The following TENM4 variants were observed in gnomAD, a reference collection of about 807,000 sequenced individuals.
TENM4 encodes teneurin transmembrane protein 4, also known as teneurin-4.
TENM4 carries 82 observed loss-of-function variants against 243.3 expected under a neutral mutation model. The observed-to-expected ratio is 0.34, with a 90% CI of 0.28 to 0.40. TENM4 has a LOEUF of 0.40. TENM4 is among the 10% of genes least tolerant of loss of function. The probability of loss-of-function intolerance (pLI) is 1.00; values close to 1 mark genes in which losing one functional copy is unlikely to be tolerated. For missense variants in TENM4, 3,138 were observed against 3,673.3 expected, an observed-to-expected ratio of 0.85 and a Z score of 3.77; for synonymous variants, 1,412 against 1,456.3, an observed-to-expected ratio of 0.97 and a Z score of 0.69.
chr11:79,198,319 G>C (rs186694953), intron 3 of TENM4, among the ~76,000 whole-genome samples: 387 of 152,238 alleles, frequency 2.5e-3, no homozygotes, highest in African/African-American at 8.2e-3. Flanking sequence ...ATGAGGACCA[G>C]GCCACATAAA....
At chr11:79,334,586 C>G (rs1466614877) in intron 1 of TENM4, among the ~76,000 whole-genome samples, 1 of 152,156 alleles carries the variant, frequency 6.6e-6, no homozygotes. Context: ...CAGGGGCATC[C>G]CTTGCCTGTC....
intron 4 of TENM4, among the ~76,000 whole-genome samples, chr11:79,102,624 G>A (rs374295659): frequency 7.9e-5 from 12 of 152,336 alleles, no homozygotes; most frequent in East Asian, 7.7e-4. Context: ...CTTGCACACC[G>A]TAAGCACCAT....
rs562783684 is a variant in TENM4, at chr11:78,657,429, A to G, written c.*629T>C. 2.7e-6 allele frequency: 1 copy of G among 371,928 alleles called. No individual in the cohort carries two copies. 23.0% of individuals were successfully genotyped at this position (371,928 alleles called of 1,614,324 possible). On this transcript the variant is annotated 3_prime_UTR_variant, in exon 34 of 34. Transcript: ENST00000278550. The stretch of plus-strand genomic sequence containing the variant: ...CTTGAACAGGAGTTTGGGGCAGCTT[A>G]AAAAAGGTGCTGAACAACACCATGA...
intron 6 of TENM4, among the ~76,000 whole-genome samples, chr11:79,050,859 T>C (rs947102967): frequency 1.3e-5 from 2 of 152,192 alleles, no homozygotes; most frequent in Non-Finnish European, 2.9e-5. Flanking sequence ...TGGGAGAAAG[T>C]GGCCTGAAGA....
chr11:78,993,850 C>T (rs1002812104), intron 6 of TENM4, among the ~76,000 whole-genome samples: 1 of 152,122 alleles, frequency 6.6e-6, no homozygotes, highest in Non-Finnish European at 1.5e-5. Context: ...ATCTATGTTT[C>T]TACTGAGTAA....
intron 1 of TENM4, among the ~76,000 whole-genome samples, chr11:79,308,334 T>C (rs948405949): frequency 9.2e-5 from 14 of 152,170 alleles, no homozygotes; most frequent in Admixed American, 3.9e-4. Context: ...AAATGAAAAA[T>C]TTGTGAGACA....
chr11:79,267,538 A>G (rs1855902555), intron 2 of TENM4, among the ~76,000 whole-genome samples: 1 of 152,210 alleles, frequency 6.6e-6, no homozygotes, highest in African/African-American at 2.4e-5. Context: ...TTTAAATTTG[A>G]AATCTCCTAT....
At chr11:79,324,595 T>C (rs1159603123) in intron 1 of TENM4, among the ~76,000 whole-genome samples, 1 of 152,162 alleles carries the variant, frequency 6.6e-6, no homozygotes, top group Admixed American at 6.5e-5. Flanking sequence ...AATCCATGGA[T>C]ACAGATGGCC....
chr11:79,152,842 A>C (rs567547730), intron 3 of TENM4, among the ~76,000 whole-genome samples: 3 of 152,240 alleles, frequency 2.0e-5, no homozygotes, highest in African/African-American at 7.2e-5. Context: ...AAGATGTCCA[A>C]ACTCACCTTT....
intron 6 of TENM4, among the ~76,000 whole-genome samples, chr11:79,039,707 G>A (rs1239697793): frequency 6.6e-6 from 1 of 152,142 alleles, no homozygotes; most frequent in Non-Finnish European, 1.5e-5. Flanking sequence ...CCTAGATGAT[G>A]GGTTGAAAGG....
chr11:79,368,023 G>C (rs912422270), intron 1 of TENM4, among the ~76,000 whole-genome samples: 1 of 152,170 alleles, frequency 6.6e-6, no homozygotes, highest in African/African-American at 2.4e-5. Context: ...ACCAGCATGG[G>C]GTTGAAAGAG....
intron 6 of TENM4, among the ~76,000 whole-genome samples, chr11:78,910,345 G>A (rs945236826): frequency 1.6e-4 from 25 of 152,200 alleles, no homozygotes; most frequent in African/African-American, 4.3e-4. Context: ...CCAGCTGCCT[G>A]AGAATGCCAA....
chr11:78,714,310 T>C (rs1859471038), intron 25 of TENM4, among the ~76,000 whole-genome samples: 1 of 152,214 alleles, frequency 6.6e-6, no homozygotes, highest in East Asian at 1.9e-4. Flanking sequence ...CTGAAGGTCT[T>C]AATCTGGCCC....
chr11:79,229,576 T>C (rs535530784), intron 2 of TENM4, among the ~76,000 whole-genome samples: 2 of 152,302 alleles, frequency 1.3e-5, no homozygotes, highest in East Asian at 1.9e-4. Context: ...TTGAACCCTG[T>C]CTTCTCTGTG....
chr11:79,027,244 G>T (rs138679131), intron 6 of TENM4, among the ~76,000 whole-genome samples: 140 of 152,294 alleles, frequency 9.2e-4, no homozygotes, highest in Non-Finnish European at 1.5e-3. Context: ...ACCACAGAGG[G>T]CTAGCACTTC....
At chr11:79,408,791 T>C (rs1335999210) in intron 1 of TENM4, among the ~76,000 whole-genome samples, 1 of 152,080 alleles carries the variant, frequency 6.6e-6, no homozygotes, top group African/African-American at 2.4e-5. Context: ...TGGAAACCCA[T>C]CAAAGCCAAA....
At chr11:79,336,535 T>C (rs1270211316) in intron 1 of TENM4, among the ~76,000 whole-genome samples, 1 of 152,178 alleles carries the variant, frequency 6.6e-6, no homozygotes, top group Non-Finnish European at 1.5e-5. Flanking sequence ...TATAAGCTAT[T>C]ACCACAATGC....
intron 1 of TENM4, among the ~76,000 whole-genome samples, chr11:79,344,884 A>G (rs1050451283): frequency 8.5e-5 from 13 of 152,224 alleles, no homozygotes; most frequent in Non-Finnish European, 1.2e-4. Flanking sequence ...GAGAGCTGAG[A>G]TAGATTCACT....
At chr11:78,882,121 G>A (rs768452650) in intron 9 of TENM4, among the ~76,000 whole-genome samples, 3 of 152,192 alleles carry the variant, frequency 2.0e-5, no homozygotes, top group Non-Finnish European at 2.9e-5. Flanking sequence ...AAAGAGAAAG[G>A]AGGGAAAATG....
Sources: gnomAD v4.1 joint callset for allele counts (sites outside exome capture counted in the v4.1 genomes callset) on GRCh38, gnomAD v4.1.1 for gene constraint, MANE v1.5 for transcripts, NCBI Gene and HGNC (gene_info 2026-07-23, HGNC 2026-07-21) for gene names.